Variants in NPTXR observed in about 807,000 individuals in gnomAD.
The protein encoded by NPTXR is neuronal pentraxin receptor.
In NPTXR, 12 loss-of-function variants were observed where a neutral mutation model predicts 32.2. The observed-to-expected ratio is 0.37, with a 90% confidence interval of 0.24 to 0.60. NPTXR has a LOEUF of 0.60. NPTXR is among the 20% of genes least tolerant of loss of function. The pLI is 0.66. For synonymous variants in NPTXR, 323 were observed against 315.8 expected (o/e 1.02, Z -0.24); for missense variants, 612 against 682.9 (o/e 0.90, Z 1.16).
At chr22:38,830,632 C>T (rs1052528991) in intron 1 of NPTXR, among the ~76,000 whole-genome samples, 4 of 152,160 alleles carry the variant, frequency 2.6e-5, no homozygotes, top group Non-Finnish European at 2.9e-5. Flanking sequence ...AAGCCCTATT[C>T]CCTCTCTGTC....
At chr22:38,830,977 G>T (rs917108246) in intron 1 of NPTXR, among the ~76,000 whole-genome samples, 2 of 152,212 alleles carry the variant, frequency 1.3e-5, no homozygotes, top group African/African-American at 4.8e-5. Flanking sequence ...GGTGAAGGTG[G>T]GCATGGGATG....
chr22:38,839,201 C>T (rs1201899189), intron 1 of NPTXR, among the ~76,000 whole-genome samples: 3 of 152,178 alleles, frequency 2.0e-5, no homozygotes, highest in Admixed American at 1.3e-4. Context: ...GTGGTTTATG[C>T]CAAAGAAATG....
intron 3 of NPTXR, 59 bp downstream of exon 3, chr22:38,826,441 T>C (rs1001280911): frequency 1.3e-6 from 2 of 1,549,588 alleles, no homozygotes; most frequent in East Asian, 4.5e-5. Context: ...CAGTGTGGAG[T>C]GGGTGCTTCT....
At chr22:38,828,656 A>T (rs990375779) in intron 1 of NPTXR, 144 bp from the exon 2 acceptor site, 1 of 641,928 alleles carries the variant, frequency 1.6e-6, no homozygotes, top group Non-Finnish European at 2.7e-6. Context: ...AATGGCCAAC[A>T]TCAGGCAACA....
chr22:38,843,571 G>A lies in NPTXR; in HGVS notation c.288C>T (p.Cys96=). The A allele has an allele frequency of 2.4e-6, 3 of 1,225,342 alleles. No individual in the cohort carries two copies. Among genetic ancestry groups the A allele is most frequent in the Non-Finnish European group, 3.0e-6 (3 of 984,186 alleles). 75.9% of individuals were successfully genotyped at this position (1,225,342 alleles called of 1,614,324 possible). The stretch of plus-strand genomic sequence containing the variant: ...ACGGGCAGGCAGCAGCCAGCGGCGT[G>A]CACAGGAAGCGGCTGAACAGGGGCC... Residue 96 remains cysteine (C), a synonymous_variant, in exon 1 of 5, where the codon TGC becomes TGT. Transcript: ENST00000333039. This position sits in a 1 kb window ranked among gnomAD's most constrained non-coding sequence, Gnocchi z 5.3.
intron 1 of NPTXR, among the ~76,000 whole-genome samples, chr22:38,830,886 C>G (rs1030487966): frequency 9.2e-5 from 14 of 152,156 alleles, no homozygotes; most frequent in African/African-American, 3.1e-4. Context: ...ATTATCCACC[C>G]CCCCCACCTC....
At chr22:38,838,795 A>C (rs536499210) in intron 1 of NPTXR, among the ~76,000 whole-genome samples, 1 of 151,752 alleles carries the variant, frequency 6.6e-6, no homozygotes, top group Non-Finnish European at 1.5e-5. Context: ...GTTAGCCAGG[A>C]TGGTCTCGAT....
At chr22:38,832,511 GCT>G (rs528721320) in intron 1 of NPTXR, among the ~76,000 whole-genome samples, 1 of 152,306 alleles carries the variant, frequency 6.6e-6, no homozygotes, top group East Asian at 1.9e-4. Context: ...AATGTGCTGG[GCT>G]CATTAGCACT....
intron 1 of NPTXR, among the ~76,000 whole-genome samples, chr22:38,830,779 G>A (rs1276985072): frequency 6.6e-6 from 1 of 152,152 alleles, no homozygotes; most frequent in Middle Eastern, 3.2e-3. Flanking sequence ...ATTCCAGGCT[G>A]TAAGATGGGG....
In NPTXR at chr22:38,843,099, G is replaced by A; in HGVS notation, c.624+136C>T. 1 of 906,002 alleles carries A rather than the reference G, an allele frequency of 1.1e-6. No individual in the cohort carries two copies. 56.1% of individuals were successfully genotyped at this position (906,002 alleles called of 1,614,324 possible). A position where few individuals can be genotyped will look rare whatever the true frequency, so the allele number is the denominator to read the frequency against. ...CCGCGTTCCCTATCGAAATCCCCCC[G>A]CCTCGCCAGCGAGGAAGGCGCGATC... On this transcript the variant is annotated intron_variant, in intron 1 of 4. Transcript: ENST00000333039. The surrounding 1 kb of genome is among the most constrained non-coding windows in gnomAD (Gnocchi z 5.3).
At chr22:38,830,611 G>A (rs1365192574) in intron 1 of NPTXR, among the ~76,000 whole-genome samples, 4 of 152,104 alleles carry the variant, frequency 2.6e-5, no homozygotes, top group South Asian at 2.1e-4. Flanking sequence ...TCTGCCAAGC[G>A]GCCTCTCCAG....
At chr22:38,841,509 G>A (rs576726090) in intron 1 of NPTXR, among the ~76,000 whole-genome samples, 20 of 152,410 alleles carry the variant, frequency 1.3e-4, no homozygotes, top group African/African-American at 3.8e-4. Flanking sequence ...CCATCTGGGC[G>A]TGGGGGCAGG....
In NPTXR at chr22:38,819,440, T is replaced by A. The variant is rs568793598; in HGVS notation, c.*3169A>T. ...CTCTGTTCCTTCACTTCAAGCCCTG[T>A]GGGCTGGGAAAGGGGTCGGAACACG... On this transcript the variant is annotated 3_prime_UTR_variant, in exon 5 of 5. Coordinates refer to ENST00000333039, the MANE Select transcript of NPTXR (RefSeq NM_014293.4). The A allele has an allele frequency of 6.6e-6, 1 of 152,494 alleles. No individual in the cohort carries two copies. The highest frequency in any genetic ancestry group is 6.5e-5 in the Admixed American group (1 of 15,304). The allele number at this position is 152,494 out of a possible 1,614,324, so 9.4% of individuals were successfully genotyped here.
In NPTXR at chr22:38,834,865, C is replaced by T. The variant is rs1285867150; in HGVS notation, c.625-6353G>A. ...AGAACAGATATGAAGTGTGGTCAAC[C>T]ATAAGAGGCAGTACGTGGTTGTCAC... On this transcript the variant is annotated intron_variant, in intron 1 of 4. Coordinates refer to ENST00000333039, the MANE Select transcript of NPTXR (RefSeq NM_014293.4). This position sits in a 1 kb window ranked among gnomAD's most constrained non-coding sequence, Gnocchi z 4.4. Among the ~76,000 whole-genome samples the T allele has an allele frequency of 5.9e-5, 9 of 152,034 alleles. No homozygotes were observed. The highest frequency in any genetic ancestry group is 1.2e-4 in the Non-Finnish European group (8 of 68,016).
chr22:38,825,118 T>C (rs1313460610), intron 3 of NPTXR, among the ~76,000 whole-genome samples: 2 of 152,140 alleles, frequency 1.3e-5, no homozygotes, highest in African/African-American at 4.8e-5. Context: ...CCCCTTCCTC[T>C]CCCCTCAATT....
intron 1 of NPTXR, among the ~76,000 whole-genome samples, chr22:38,839,668 A>G (rs981417900): frequency 1.3e-5 from 2 of 152,142 alleles, no homozygotes; most frequent in African/African-American, 4.8e-5. Context: ...AAAAAAGTCA[A>G]TATCCTCTGA....
rs373840117 is a variant in NPTXR at position 38,828,321 on chromosome 22, G to A, written c.816C>T (p.Asp272=). Reference sequence around the variant, plus strand: ...GCTCAGCCACACGACCCTGCAGGACGTCCAACTCCTTTTCCACTTCCTGCC... The same window carrying A: ...GCTCAGCCACACGACCCTGCAGGACATCCAACTCCTTTTCCACTTCCTGCC... Residue 272 remains aspartate, a synonymous_variant, in exon 2 of 5, where the codon GAC becomes GAT. Transcript: ENST00000333039. The A allele has an allele frequency of 3.0e-5, 48 of 1,613,478 alleles. No homozygotes were observed. Among genetic ancestry groups the A allele is most frequent in the Non-Finnish European group, 3.8e-5 (45 of 1,180,038 alleles).
chr22:38,838,783 G>A (rs369970058), intron 1 of NPTXR, among the ~76,000 whole-genome samples: 19 of 151,976 alleles, frequency 1.3e-4, no homozygotes, highest in East Asian at 1.9e-4. Flanking sequence ...GGGTTTCACC[G>A]TGTTAGCCAG....
rs1299907508 is a variant in NPTXR, at chr22:38,822,895, A to C, written c.1279-62T>G. Reference sequence around the variant, plus strand: ...GAGTGAGGGAGCAGAAAAGACAGGCAGGCTGGCTCAGTCAGGCTCTTGTCC... The same window carrying C: ...GAGTGAGGGAGCAGAAAAGACAGGCCGGCTGGCTCAGTCAGGCTCTTGTCC... On this transcript the variant is annotated intron_variant, in intron 4 of 4. Transcript: ENST00000333039. 5.3e-6 allele frequency: 8 copies of C among 1,515,096 alleles called. No individual in the cohort carries two copies. The East Asian group carries it at 1.6e-4, about 31-fold the overall frequency. 93.9% of individuals were successfully genotyped at this position (1,515,096 alleles called of 1,614,324 possible). A position where few individuals can be genotyped will look rare whatever the true frequency, so the allele number is the denominator to read the frequency against.
Sources: allele counts gnomAD v4.1 joint callset (sites outside exome capture counted in the v4.1 genomes callset), GRCh38; gene constraint gnomAD v4.1.1; non-coding constraint Gnocchi (gnomAD v3.1); transcripts MANE v1.5; gene names NCBI Gene and HGNC (gene_info 2026-07-23, HGNC 2026-07-21).